The following PDE8A variants were observed in gnomAD, a reference collection of about 807,000 sequenced individuals.
The protein encoded by PDE8A is phosphodiesterase 8A, also known as high affinity cAMP-specific and IBMX-insensitive 3',5'-cyclic phosphodiesterase 8A.
In PDE8A, 59 loss-of-function variants were observed where a neutral mutation model predicts 105.0. The observed-to-expected ratio is 0.56, with a 90% CI of 0.46 to 0.70. PDE8A has a LOEUF of 0.70. Among genes scored for constraint, PDE8A ranks in the 30% least tolerant of loss-of-function variants. The pLI, the probability that PDE8A is intolerant of heterozygous loss-of-function variation, is 0.00. For synonymous variants in PDE8A, 355 were observed against 371.9 expected (o/e 0.95, Z 0.52); for missense variants, 1,014 against 1,045.9 (o/e 0.97, Z 0.42).
chr15:85,015,006 G>T (rs1356389358), intron 1 of PDE8A, among the ~76,000 whole-genome samples: 1 of 152,086 alleles, frequency 6.6e-6, no homozygotes, highest in Non-Finnish European at 1.5e-5. Context: ...ATGAACGTTT[G>T]ATTTAAGTAA....
In PDE8A at chr15:85,056,013, A is replaced by G. The variant is rs573060092; in HGVS notation, c.187-8357A>G. Among the ~76,000 whole-genome samples the G allele has an allele frequency of 6.6e-5, 10 of 152,176 alleles. 1 individual carries two copies. The highest frequency in any genetic ancestry group is 4.6e-4 in the Admixed American group (7 of 15,280). On this transcript the variant is annotated intron_variant, in intron 1 of 21. Coordinates refer to ENST00000394553, the MANE Select transcript of PDE8A (RefSeq NM_002605.3). ...TTGTAAGGCAGGCCTGGTGGTGACA[A>G]AATCTCTCAGCATTTGCTTGTCTGT...
At chr15:85,055,241 A>G (rs571224727) in intron 1 of PDE8A, among the ~76,000 whole-genome samples, 3 of 152,160 alleles carry the variant, frequency 2.0e-5, no homozygotes, top group Non-Finnish European at 1.5e-5. Flanking sequence ...ACTGTGGTCA[A>G]TTTTGGAATA....
chr15:85,009,320 A>G (rs1441441159), intron 1 of PDE8A, among the ~76,000 whole-genome samples: 1 of 152,222 alleles, frequency 6.6e-6, no homozygotes, highest in African/African-American at 2.4e-5. Context: ...CAAAGTGACT[A>G]CTAGAAAATC....
At chr15:85,022,426 GTTT>G (rs3042744) in intron 1 of PDE8A, among the ~76,000 whole-genome samples, 19,069 of 134,402 alleles carry the variant, frequency 0.14, 1,437 homozygotes, top group Middle Eastern at 0.24. Context: ...TATTGGAAGT[GTTT>G]TTTTTTTTTT....
intron 1 of PDE8A, among the ~76,000 whole-genome samples, chr15:85,038,245 G>T (rs1224108887): frequency 1.5e-5 from 2 of 129,282 alleles, no homozygotes; most frequent in Non-Finnish European, 3.5e-5. Context: ...GTGTGTGTGT[G>T]TGTGTGTGTT....
intron 6 of PDE8A, among the ~76,000 whole-genome samples, chr15:85,085,728 C>G (rs917044292): frequency 6.7e-6 from 1 of 149,262 alleles, no homozygotes; most frequent in Non-Finnish European, 1.5e-5. Context: ...AGATGATCGG[C>G]TGGGCAGGGT....
At chr15:85,113,319 G>A (rs2082046013) in intron 12 of PDE8A, 58 bp from the exon 13 acceptor site, 1 of 1,433,142 alleles carries the variant, frequency 7.0e-7, no homozygotes, top group Non-Finnish European at 9.9e-7. Flanking sequence ...GCCCTCTGCT[G>A]TCAAGACAGG....
chr15:85,086,693 C>T (rs886625903), intron 6 of PDE8A, among the ~76,000 whole-genome samples: 6 of 152,152 alleles, frequency 3.9e-5, no homozygotes, highest in Non-Finnish European at 7.4e-5. Context: ...GATCCATCTC[C>T]GCCAAGCTTG....
chr15:85,006,173 T>C (rs2080144124), intron 1 of PDE8A, among the ~76,000 whole-genome samples: 1 of 151,816 alleles, frequency 6.6e-6, no homozygotes, highest in Non-Finnish European at 1.5e-5. Flanking sequence ...AAATGACGAG[T>C]TAATGGGTGC....
intron 15 of PDE8A, chr15:85,115,725 G>T: frequency 1.8e-6 from 1 of 542,148 alleles, no homozygotes; most frequent in Non-Finnish European, 3.2e-6. Context: ...TTCAAGACCA[G>T]CCTGGCCAAC....
intron 8 of PDE8A, among the ~76,000 whole-genome samples, chr15:85,095,497 G>C (rs8040352): frequency 0.56 from 84,435 of 151,540 alleles, 24,888 homozygotes; most frequent in African/African-American, 0.77. Context: ...GCGCCTACCA[G>C]CACGCCTGGC....
chr15:85,117,262 A>C lies in PDE8A; in HGVS notation c.1536-379A>C, dbSNP rs188988813. On this transcript the variant is annotated intron_variant, in intron 16 of 21. Coordinates refer to ENST00000394553, the MANE Select transcript of PDE8A (RefSeq NM_002605.3). ...CAATGGCATGGGTCCAGCAAGTCCA[A>C]AGGAGAGGATAGTGTTCAAGGTGGT... Among the ~76,000 whole-genome samples the C allele has an allele frequency of 7.2e-4, 109 of 152,358 alleles. 4 individuals are homozygous for C. In the East Asian group the frequency reaches 0.012, roughly 16 times the overall value.
intron 11 of PDE8A, 93 bp from the exon 12 acceptor site, chr15:85,108,954 TTTAAAG>T: frequency 1.3e-6 from 1 of 776,864 alleles, no homozygotes; most frequent in South Asian, 1.7e-5. Context: ...ATTTAAAACA[TTTAAAG>T]TTGAGAGTTT....
At chr15:85,084,161 C>G (rs1337112566) in intron 6 of PDE8A, among the ~76,000 whole-genome samples, 1 of 151,866 alleles carries the variant, frequency 6.6e-6, no homozygotes, top group East Asian at 1.9e-4. Context: ...AAAATAAAGT[C>G]AGCAGCTTCC....
intron 18 of PDE8A, 141 bp downstream of exon 18, chr15:85,121,155 C>G (rs1399905796): frequency 6.7e-6 from 4 of 595,408 alleles, no homozygotes; most frequent in Non-Finnish European, 8.6e-6. Flanking sequence ...TGGCTCATGC[C>G]TATAATCCCA....
intron 1 of PDE8A, among the ~76,000 whole-genome samples, chr15:85,059,119 T>G (rs2081106588): frequency 6.6e-6 from 1 of 152,216 alleles, no homozygotes; most frequent in African/African-American, 2.4e-5. Flanking sequence ...CTAATTTATC[T>G]TGTGTATTCT....
chr15:85,074,026 G>A (rs1247181840), intron 3 of PDE8A, among the ~76,000 whole-genome samples: 1 of 152,222 alleles, frequency 6.6e-6, no homozygotes, highest in Non-Finnish European at 1.5e-5. Flanking sequence ...GGATAGGCAG[G>A]TGGATGCTAG....
At chr15:85,089,284 ATTTTAT>A in intron 6 of PDE8A, 48 bp from the exon 7 acceptor site, 3 of 925,926 alleles carry the variant, frequency 3.2e-6, no homozygotes, top group Non-Finnish European at 5.1e-6. Flanking sequence ...ATAACCCAAG[ATTTTAT>A]TTTGTAGTAT....
intron 1 of PDE8A, among the ~76,000 whole-genome samples, chr15:84,984,588 A>T (rs770205720): frequency 6.6e-6 from 1 of 152,244 alleles, no homozygotes; most frequent in African/African-American, 2.4e-5. Flanking sequence ...TACAGCATTT[A>T]GTAAATACCA....
Sources: gnomAD v4.1 joint callset for allele counts (sites outside exome capture counted in the v4.1 genomes callset) on GRCh38, gnomAD v4.1.1 for gene constraint, MANE v1.5 for transcripts, NCBI Gene and HGNC (gene_info 2026-07-23, HGNC 2026-07-21) for gene names.